LRBA: variants seen among roughly 807,000 people sequenced by gnomAD.
The protein encoded by LRBA is lipopolysaccharide-responsive and beige-like anchor protein.
In LRBA, 176 loss-of-function variants were observed where a neutral mutation model predicts 330.0. That is an observed-to-expected ratio of 0.53 (90% confidence interval 0.47 to 0.60). The LOEUF (loss-of-function observed/expected upper bound fraction) is 0.60, where lower values mean the gene tolerates loss of function less well. LRBA is among the 20% of genes least tolerant of loss of function. LRBA has a pLI of 0.00. For synonymous variants in LRBA, 1,230 were observed against 1,193.0 expected (o/e 1.03, Z -0.64); for missense variants, 3,259 against 3,444.8 (o/e 0.95, Z 1.35).
chr4:150,763,218 G>T (rs552559931), intron 34 of LRBA, among the ~76,000 whole-genome samples: 8 of 152,078 alleles, frequency 5.3e-5, no homozygotes, highest in African/African-American at 1.7e-4. Flanking sequence ...CAAGGAATGA[G>T]CAAGAAACAA....
chr4:150,771,244 C>A (rs767949806), intron 34 of LRBA, among the ~76,000 whole-genome samples: 204 of 152,222 alleles, frequency 1.3e-3, no homozygotes, highest in Middle Eastern at 0.01. Context: ...ATTCCTGGAC[C>A]AATGAATCCT....
chr4:150,934,550 T>C (rs1056645595), intron 2 of LRBA, among the ~76,000 whole-genome samples: 2 of 152,210 alleles, frequency 1.3e-5, no homozygotes, highest in Admixed American at 1.3e-4. Context: ...CTGTGTCTTA[T>C]ATCCTACAGA....
In LRBA at chr4:150,851,982, T is replaced by G; in HGVS notation, c.3728A>C (p.Lys1243Thr). 1.9e-6 allele frequency: 3 copies of G among 1,614,162 alleles called. No individual in the cohort carries two copies. The South Asian group carries it at 3.3e-5, about 18-fold the overall frequency. Residue 1243 changes from lysine (K) to threonine (T), a missense_variant, in exon 23 of 57, where the codon AAG becomes ACG. Lys to Thr is a moderately conservative substitution (Grantham distance 78). Transcript: ENST00000651943. ...SEASSEQKIA[K>T]LDVSNVATDT... ...TGTAGCAACATTGGAAACATCCAACTTCGCAATCTTTTGCTCAGAAGAAGC... is the reference window on the plus strand; with the variant it reads ...TGTAGCAACATTGGAAACATCCAACGTCGCAATCTTTTGCTCAGAAGAAGC...
intron 37 of LRBA, among the ~76,000 whole-genome samples, chr4:150,654,806 T>C (rs1270063646): frequency 6.6e-6 from 1 of 152,158 alleles, no homozygotes; most frequent in Non-Finnish European, 1.5e-5. Context: ...TGGTTTTTTG[T>C]CCTTGCGATA....
Position 150,683,676 on chromosome 4 carries a change from C to T in LRBA, c.5796G>A (p.Glu1932=), listed in dbSNP as rs921776220. The stretch of plus-strand genomic sequence containing the variant: ...CTCTTATCAAATGATCACACATCTT[C>T]TCATCTTCTCGTTTGTCTGCAGAAT... The part of the protein sequence containing the change: ...AQYSADKRED[E]KMCDHLIRAA... The change falls in exon 37 of 57, where the codon GAG becomes GAA. Residue 1932 remains glutamate, a synonymous_variant. Coordinates refer to ENST00000651943, the MANE Select transcript of LRBA (RefSeq NM_001364905.1). 3 of 1,613,452 alleles carry T rather than the reference C, an allele frequency of 1.9e-6. 1 individual carries two copies. Among genetic ancestry groups the T allele is most frequent in the South Asian group, 2.2e-5 (2 of 91,006 alleles).
intron 37 of LRBA, among the ~76,000 whole-genome samples, chr4:150,639,906 G>A (rs1271753165): frequency 2.3e-5 from 3 of 132,806 alleles, no homozygotes; most frequent in Admixed American, 7.7e-5. Context: ...GCCCAGGCTG[G>A]AGTGTAATGG....
intron 46 of LRBA, among the ~76,000 whole-genome samples, chr4:150,417,556 C>T (rs1036152155): frequency 6.6e-6 from 1 of 152,220 alleles, no homozygotes; most frequent in African/African-American, 2.4e-5. Flanking sequence ...CCACTTCCAC[C>T]CCCAATTCAC....
At chr4:150,744,343 A>T (rs762823399) in intron 35 of LRBA, among the ~76,000 whole-genome samples, 7 of 152,190 alleles carry the variant, frequency 4.6e-5, no homozygotes, top group Non-Finnish European at 7.3e-5. Context: ...ACTAGTCCCC[A>T]AACAAGTAAC....
chr4:150,472,568 G>T (rs539981229), intron 42 of LRBA, among the ~76,000 whole-genome samples: 1 of 151,740 alleles, frequency 6.6e-6, no homozygotes, highest in Non-Finnish European at 1.5e-5. Flanking sequence ...ATCTCTTCTC[G>T]GCCTTTTGGC....
intron 2 of LRBA, among the ~76,000 whole-genome samples, chr4:151,002,377 G>T (rs1743464738): frequency 6.6e-6 from 1 of 151,378 alleles, no homozygotes; most frequent in African/African-American, 2.4e-5. Context: ...GACCAGACCG[G>T]CCAAAATGAT....
chr4:150,980,010 A>G (rs1168697086), intron 2 of LRBA, among the ~76,000 whole-genome samples: 1 of 152,232 alleles, frequency 6.6e-6, no homozygotes, highest in Non-Finnish European at 1.5e-5. Context: ...ACAAAGACAT[A>G]TCAAAAAAAG....
chr4:150,761,824 C>T lies in LRBA; in HGVS notation c.5604G>A (p.Lys1868=), dbSNP rs2126471914. 6.5e-7 allele frequency: 1 copy of T among 1,538,682 alleles called. No individual in the cohort carries two copies. The highest frequency in any genetic ancestry group is 8.7e-7 in the Non-Finnish European group (1 of 1,147,846). The change falls in exon 35 of 57, where the codon AAG becomes AAA. Residue 1868 remains lysine, a synonymous_variant. Coordinates refer to ENST00000651943, the MANE Select transcript of LRBA (RefSeq NM_001364905.1). ...CSQEWQNSIQ[K]NAGLAFIELV... The stretch of plus-strand genomic sequence containing the variant: ...GTTCGATAAAAGCAAGGCCTGCATT[C>T]TTCTGAATAGAATTTTGCCACTCCT...
intron 2 of LRBA, among the ~76,000 whole-genome samples, chr4:150,993,255 A>G (rs566747607): frequency 2.2e-4 from 33 of 152,366 alleles, no homozygotes; most frequent in African/African-American, 7.2e-4. Context: ...AATAAAAGGA[A>G]ATTTCAATGT....
chr4:151,003,655 T>C (rs1743668463), intron 2 of LRBA, among the ~76,000 whole-genome samples: 1 of 150,406 alleles, frequency 6.6e-6, no homozygotes, highest in Non-Finnish European at 1.5e-5. Context: ...TAGCCAGCTG[T>C]GATGGCATGT....
At chr4:150,663,551 GAA>G (rs796940773) in intron 37 of LRBA, among the ~76,000 whole-genome samples, 3 of 134,426 alleles carry the variant, frequency 2.2e-5, no homozygotes. Flanking sequence ...CACTTATGCT[GAA>G]AAAAAAAAAA....
At chr4:150,658,049 T>C (rs1422281069) in intron 37 of LRBA, among the ~76,000 whole-genome samples, 1 of 152,052 alleles carries the variant, frequency 6.6e-6, no homozygotes. Flanking sequence ...ATTGTAACAA[T>C]CTATCACATG....
In LRBA at chr4:150,959,278, C is replaced by T. The variant is rs1401246963; in HGVS notation, c.217-30213G>A. On this transcript the variant is annotated intron_variant, in intron 2 of 56. Transcript: ENST00000651943. ...AGATCTCGTGAGACTTATCCACTAT[C>T]AAGAGAAGAGCAGGGGAAAAACCCA... 1.3e-5 allele frequency among the ~76,000 whole-genome samples: 2 copies of T among 149,084 alleles called. 1 individual carries two copies. The highest frequency in any genetic ancestry group is 5.2e-5 in the African/African-American group (2 of 38,520).
intron 34 of LRBA, among the ~76,000 whole-genome samples, chr4:150,764,352 A>G (rs1283045631): frequency 6.6e-6 from 1 of 152,016 alleles, no homozygotes; most frequent in Non-Finnish European, 1.5e-5. Context: ...GAAAAAGAAG[A>G]AATAAAACTG....
At chr4:150,570,364 G>A (rs1301496553) in intron 40 of LRBA, among the ~76,000 whole-genome samples, 1 of 152,080 alleles carries the variant, frequency 6.6e-6, no homozygotes, top group Non-Finnish European at 1.5e-5. Context: ...GTTACATGCA[G>A]GCACTGAGGC....
Sources: allele counts gnomAD v4.1 joint callset (sites outside exome capture counted in the v4.1 genomes callset), GRCh38; gene constraint gnomAD v4.1.1; transcripts MANE v1.5; gene names NCBI Gene and HGNC (gene_info 2026-07-23, HGNC 2026-07-21).